The following SLC30A8 variants were observed in gnomAD, a reference collection of about 807,000 sequenced individuals.
SLC30A8 encodes the protein solute carrier family 30 member 8, also known as proton-coupled zinc antiporter SLC30A8.
In SLC30A8, 27 loss-of-function variants were observed where a neutral mutation model predicts 36.9. The ratio of observed to expected loss-of-function variants is 0.73; its 90% CI spans 0.54 to 1.01. SLC30A8 has a LOEUF of 1.01. Among genes scored for constraint, SLC30A8 ranks in the 50% least tolerant of loss-of-function variants. SLC30A8 has a pLI of 0.00. For missense variants in SLC30A8, 439 were observed against 452.0 expected, an observed-to-expected ratio of 0.97 and a Z score of 0.26; for synonymous variants, 164 against 172.4, an observed-to-expected ratio of 0.95 and a Z score of 0.38.
Position 116,952,705 on chromosome 8 carries a change from C to T in SLC30A8, c.-266+1586C>T, listed in dbSNP as rs1814037019. 5.9e-5 allele frequency among the ~76,000 whole-genome samples: 9 copies of T among 152,172 alleles called. No homozygotes were observed. The South Asian group carries it at 1.9e-3, about 32-fold the overall frequency. ...CTCCTAACATCAAGTGACCCGCCCA[C>T]CTTGGCCTCCCAAAGTGCTAGGATG... On this transcript the variant is annotated intron_variant, in intron 1 of 10. Transcript: ENST00000427715.
chr8:117,019,584 A>C (rs187841995), intron 1 of SLC30A8, among the ~76,000 whole-genome samples: 3 of 152,308 alleles, frequency 2.0e-5, no homozygotes, highest in Admixed American at 2.0e-4. Context: ...TTGTTGTTTA[A>C]TGTTCCTTTC....
At chr8:117,033,808 A>C (rs1817128349) in intron 1 of SLC30A8, among the ~76,000 whole-genome samples, 1 of 152,218 alleles carries the variant, frequency 6.6e-6, no homozygotes, top group Non-Finnish European at 1.5e-5. Flanking sequence ...GGCAAGCAAC[A>C]AAACCTTCCT....
At chr8:117,088,025 G>A (rs1188169045) in intron 2 of SLC30A8, among the ~76,000 whole-genome samples, 1 of 151,640 alleles carries the variant, frequency 6.6e-6, no homozygotes, top group African/African-American at 2.4e-5. Context: ...GAGGAAAAAA[G>A]GATGATTGAA....
At position 117,142,116 on chromosome 8, in the gene SLC30A8, C is replaced by T. The variant is rs142327896; in HGVS notation, c.72-4838C>T. Among the ~76,000 whole-genome samples, 546 of 152,244 alleles carry T rather than the reference C, an allele frequency of 3.6e-3. 2 individuals carry two copies. The highest frequency in any genetic ancestry group is 0.012 in the African/African-American group (495 of 41,560). Reference sequence around the variant, plus strand: ...CACTCAGCCCCATCTTGGGAATTGGCATGCCCTTCTCCAGGTTACTCTAAC... The same window carrying T: ...CACTCAGCCCCATCTTGGGAATTGGTATGCCCTTCTCCAGGTTACTCTAAC... On this transcript the variant is annotated intron_variant, in intron 1 of 7. Coordinates refer to ENST00000456015, the MANE Select transcript of SLC30A8 (RefSeq NM_173851.3).
intron 2 of SLC30A8, among the ~76,000 whole-genome samples, chr8:117,149,387 C>T (rs150044325): frequency 3.9e-4 from 59 of 152,244 alleles, no homozygotes; most frequent in Admixed American, 1.8e-3. Context: ...GAAGCTGTGA[C>T]GAGTGCTTTC....
chr8:117,147,201 T>G, intron 2 of SLC30A8, 48 bp downstream of exon 2: 1 of 1,527,952 alleles, frequency 6.5e-7, no homozygotes, highest in East Asian at 2.3e-5. Context: ...AACAAAACTC[T>G]GCATCATTAT....
chr8:116,953,130 T>C (rs1044875016), intron 1 of SLC30A8, among the ~76,000 whole-genome samples: 1 of 152,150 alleles, frequency 6.6e-6, no homozygotes, highest in African/African-American at 2.4e-5. Context: ...TGGTATTTGG[T>C]TTTCTGTTCC....
At chr8:117,076,105 C>G (rs1818479591) in intron 2 of SLC30A8, among the ~76,000 whole-genome samples, 1 of 152,138 alleles carries the variant, frequency 6.6e-6, no homozygotes, top group East Asian at 1.9e-4. Flanking sequence ...TAATTTCAGA[C>G]TTTAAAAAGT....
intron 2 of SLC30A8, among the ~76,000 whole-genome samples, chr8:117,066,263 A>T (rs1302314541): frequency 2.0e-5 from 3 of 152,296 alleles, no homozygotes; most frequent in African/African-American, 7.2e-5. Flanking sequence ...AGCTGGCTCA[A>T]GCTCTGTTGT....
intron 1 of SLC30A8, among the ~76,000 whole-genome samples, chr8:117,018,821 A>G (rs1345223271): frequency 6.6e-6 from 1 of 151,894 alleles, no homozygotes; most frequent in Non-Finnish European, 1.5e-5. Context: ...CACCACGCCT[A>G]GCTAATTTTT....
At chr8:117,056,281 T>TG (rs1332609271) in intron 2 of SLC30A8, 7 of 152,338 alleles carry the variant, frequency 4.6e-5, no homozygotes, top group African/African-American at 1.4e-4. Context: ...CACCTACTGT[T>TG]GTCCAACATG....
At chr8:117,045,174 A>G (rs1817511705) in intron 2 of SLC30A8, among the ~76,000 whole-genome samples, 1 of 152,144 alleles carries the variant, frequency 6.6e-6, no homozygotes. Context: ...GGAGGGTAAT[A>G]ATATGGACCA....
At chr8:117,144,306 T>C (rs1473534170) in intron 1 of SLC30A8, among the ~76,000 whole-genome samples, 1 of 152,226 alleles carries the variant, frequency 6.6e-6, no homozygotes, top group Non-Finnish European at 1.5e-5. Flanking sequence ...ACTAAGAAGA[T>C]TGTTTGGAAC....
At chr8:117,146,763 T>C (rs1021106085) in intron 1 of SLC30A8, 191 bp from the exon 2 acceptor site, 110 of 1,373,134 alleles carry the variant, frequency 8.0e-5, no homozygotes, top group Admixed American at 2.9e-4. Context: ...CTTTTAGTAG[T>C]TGAAGTTTAG....
At chr8:117,061,738 C>G (rs989348654) in intron 2 of SLC30A8, among the ~76,000 whole-genome samples, 3 of 152,148 alleles carry the variant, frequency 2.0e-5, no homozygotes, top group Non-Finnish European at 2.9e-5. Context: ...GTGTTTTCAG[C>G]TATCAGCTTT....
intron 1 of SLC30A8, among the ~76,000 whole-genome samples, chr8:117,035,565 G>T (rs916494417): frequency 1.3e-5 from 2 of 152,226 alleles, no homozygotes; most frequent in Non-Finnish European, 2.9e-5. Context: ...CTACCATTCT[G>T]GGATGTGGAG....
chr8:117,041,689 CA>C (rs536041878), intron 2 of SLC30A8, among the ~76,000 whole-genome samples: 54 of 144,526 alleles, frequency 3.7e-4, no homozygotes, highest in African/African-American at 1.1e-3. Context: ...AACTCTGTCT[CA>C]AAAAAAAAAT....
Position 117,176,035 on chromosome 8 carries a change from C to CAAG in SLC30A8, c.*3355_*3357dup, listed in dbSNP as rs1283368816. The CAAG allele has an allele frequency of 6.6e-6, 1 of 152,074 alleles. No individual in the cohort carries two copies. Among genetic ancestry groups the CAAG allele is most frequent in the African/African-American group, 2.4e-5 (1 of 41,432 alleles). The allele number at this position is 152,074 out of a possible 1,614,324, so 9.4% of individuals were successfully genotyped here. A position where few individuals can be genotyped will look rare whatever the true frequency, so the allele number is the denominator to read the frequency against. Reference sequence around the variant, plus strand: ...AATGAAGGCAAAGTCATAGGTCTCCCAAGTCTTACCCCATTCCTGTGAAAT... The same window carrying CAAG: ...AATGAAGGCAAAGTCATAGGTCTCCCAAGAAGTCTTACCCCATTCCTGTGAAAT... On this transcript the variant is annotated 3_prime_UTR_variant, in exon 8 of 8. Coordinates refer to ENST00000456015, the MANE Select transcript of SLC30A8 (RefSeq NM_173851.3).
chr8:116,957,362 T>C (rs1814250191), intron 1 of SLC30A8, among the ~76,000 whole-genome samples: 1 of 152,130 alleles, frequency 6.6e-6, no homozygotes, highest in Non-Finnish European at 1.5e-5. Context: ...CCTCCGCCTC[T>C]TGGGTTCAAG....
Sources: allele counts gnomAD v4.1 joint callset (sites outside exome capture counted in the v4.1 genomes callset), GRCh38; gene constraint gnomAD v4.1.1; transcripts MANE v1.5; gene names NCBI Gene and HGNC (gene_info 2026-07-23, HGNC 2026-07-21).